LRRC56: variants seen among roughly 807,000 people sequenced by gnomAD.
LRRC56 encodes leucine-rich repeat-containing protein 56.
In LRRC56, 41 loss-of-function variants were observed where a neutral mutation model predicts 47.8. The ratio of observed to expected loss-of-function variants is 0.86; its 90% CI spans 0.67 to 1.11. The LOEUF (loss-of-function observed/expected upper bound fraction) is 1.11. Ranked by LOEUF, LRRC56 falls within the 50% of genes most tolerant of loss-of-function variation. The probability of loss-of-function intolerance (pLI) is 0.00; values close to 1 mark genes in which losing one functional copy is unlikely to be tolerated. For missense variants in LRRC56, 759 were observed against 704.2 expected (o/e 1.08, Z -0.88); for synonymous variants, 387 against 311.2 (o/e 1.24, Z -2.56).
rs549408811 is a variant in LRRC56 at position 551,854 on chromosome 11, C to G, written c.973+27C>G. 3.7e-6 allele frequency: 6 copies of G among 1,609,480 alleles called. No individual in the cohort carries two copies. The Admixed American group carries it at 1.0e-4, about 27-fold the overall frequency. ...TAACTGACTTGCCTCAAAGCTGACC[C>G]TGCAGCCCCTCGGCCCCGAACCAGG... On this transcript the variant is annotated intron_variant, in intron 10 of 13. Transcript: ENST00000270115.
intron 5 of LRRC56, among the ~76,000 whole-genome samples, chr11:543,220 G>C (rs1250543311): frequency 6.9e-6 from 1 of 144,996 alleles, no homozygotes; most frequent in African/African-American, 2.6e-5. Context: ...TTTTTTCATT[G>C]TTGTTTTTTT....
intron 5 of LRRC56, among the ~76,000 whole-genome samples, chr11:542,779 C>T (rs987152527): frequency 5.9e-5 from 9 of 151,986 alleles, no homozygotes; most frequent in African/African-American, 2.2e-4. Context: ...GTGTGTATTT[C>T]CTGAGAGGGA....
At position 554,005 on chromosome 11, in the gene LRRC56, C is replaced by T; in HGVS notation, c.1358C>T (p.Pro453Leu). The change falls in exon 14 of 14, where the codon CCC becomes CTC. Residue 453 changes from proline to leucine, a missense_variant. Physicochemically the swap from Pro to Leu is moderately conservative, Grantham distance 98. Coordinates refer to ENST00000270115, the MANE Select transcript of LRRC56 (RefSeq NM_198075.4). ...AGCCAGCACCTGGTCCCTTCACCTC[C>T]CAAGCACCCAAGGCCACGAGATTCT... The part of the protein sequence containing the change: ...TSSQHLVPSP[P>L]KHPRPRDSGS... 1.9e-6 allele frequency: 3 copies of T among 1,612,308 alleles called. No individual in the cohort carries two copies. Among genetic ancestry groups the T allele is most frequent in the Non-Finnish European group, 1.7e-6 (2 of 1,179,780 alleles).
the LRRC56 span, among the ~76,000 whole-genome samples, chr11:522,454 G>C: frequency 7.2e-5 from 11 of 152,102 alleles, no homozygotes; most frequent in South Asian, 6.2e-4. Context: ...TTTTAGTTGA[G>C]ACGGGGTTTC....
chr11:539,996 G>A (rs1433103709), intron 3 of LRRC56, among the ~76,000 whole-genome samples: 2 of 152,318 alleles, frequency 1.3e-5, no homozygotes, highest in East Asian at 3.9e-4. Flanking sequence ...CAGGTCCTGG[G>A]CTGATCTGCT....
At chr11:551,062 G>A in intron 8 of LRRC56, 69 bp from the exon 9 acceptor site, 6 of 950,558 alleles carry the variant, frequency 6.3e-6, no homozygotes, top group Non-Finnish European at 9.0e-6. Context: ...GGGAGCCAGG[G>A]AAAGAGCTGG....
Position 550,053 on chromosome 11 carries a change from A to G in LRRC56, c.424-19A>G. ...CCTGGGCTGGGCCGGGCCCTGGCTC[A>G]GAGCCCCGCGCTGCCCAGGAACTCT... On this transcript the variant is annotated intron_variant, in intron 7 of 13. Coordinates refer to ENST00000270115, the MANE Select transcript of LRRC56 (RefSeq NM_198075.4). 6.2e-7 allele frequency: 1 copy of G among 1,611,318 alleles called. No individual in the cohort carries two copies. The highest frequency in any genetic ancestry group is 1.1e-5 in the South Asian group (1 of 90,984).
At position 551,887 on chromosome 11, in the gene LRRC56, A is replaced by T. The variant is rs1852413970; in HGVS notation, c.974-16A>T. 3.1e-6 allele frequency: 5 copies of T among 1,612,338 alleles called. No homozygotes were observed. Among genetic ancestry groups the T allele is most frequent in the Admixed American group, 3.3e-5 (2 of 59,970 alleles). Reference sequence around the variant, plus strand: ...CCTCGGCCCCGAACCAGGCCCAGCCATGCTGTCTCTTGCAGGTGCTGGCCA... The same window carrying T: ...CCTCGGCCCCGAACCAGGCCCAGCCTTGCTGTCTCTTGCAGGTGCTGGCCA... On this transcript the variant is annotated splice_polypyrimidine_tract_variant and intron_variant, in intron 10 of 13. Coordinates refer to ENST00000270115, the MANE Select transcript of LRRC56 (RefSeq NM_198075.4).
chr11:552,790 GTC>G, intron 13 of LRRC56, 88 bp downstream of exon 13: 12 of 1,109,088 alleles, frequency 1.1e-5, no homozygotes, highest in Admixed American at 2.6e-5. Flanking sequence ...GATCAGATGT[GTC>G]AACCTGGCCC....
chr11:549,797 C>A, intron 6 of LRRC56, 105 bp from the exon 7 acceptor site: 1 of 923,252 alleles, frequency 1.1e-6, no homozygotes, highest in African/African-American at 1.6e-5. Context: ...CTAGAGGCCA[C>A]CATAGGTGGT....
Position 554,339 on chromosome 11 carries a change from A to T in LRRC56, c.*63A>T. ...ACGACTTGCCCACATATGTGGTCACAGAGCACAGAATACCTGGGCGGGTGT... is the reference window on the plus strand; with the variant it reads ...ACGACTTGCCCACATATGTGGTCACTGAGCACAGAATACCTGGGCGGGTGT... On this transcript the variant is annotated 3_prime_UTR_variant, in exon 14 of 14. Transcript: ENST00000270115. 7.3e-7 allele frequency: 1 copy of T among 1,369,486 alleles called. No individual in the cohort carries two copies. Among genetic ancestry groups the T allele is most frequent in the Non-Finnish European group, 9.6e-7 (1 of 1,039,720 alleles). The allele number at this position is 1,369,486 out of a possible 1,614,324, so 84.8% of individuals were successfully genotyped here.
upstream of LRRC56, chr11:534,198 G>A (rs372917082): frequency 2.7e-5 from 43 of 1,594,134 alleles, no homozygotes; most frequent in Non-Finnish European, 3.4e-5. Context: ...CCTGGACGGC[G>A]GCGCCAGGCT....
chr11:515,789 G>A, the LRRC56 span, among the ~76,000 whole-genome samples: 13 of 152,164 alleles, frequency 8.5e-5, no homozygotes, highest in African/African-American at 3.1e-4. Flanking sequence ...AGTGAGTCAA[G>A]ATTGTGCCAC....
At chr11:532,764 G>C (rs763872424), upstream of LRRC56, 4 of 1,612,070 alleles carry the variant, frequency 2.5e-6, no homozygotes, top group South Asian at 3.3e-5. Context: ...CCCTGGGAAA[G>C]GAGGGATGGG....
At chr11:509,064 T>C in the LRRC56 span, among the ~76,000 whole-genome samples, 1 of 151,234 alleles carries the variant, frequency 6.6e-6, no homozygotes, top group Non-Finnish European at 1.5e-5. Context: ...AAAAAGAAAC[T>C]CCGTCTCAAA....
At chr11:515,185 A>G in the LRRC56 span, among the ~76,000 whole-genome samples, 1 of 152,066 alleles carries the variant, frequency 6.6e-6, no homozygotes, top group Non-Finnish European at 1.5e-5. Flanking sequence ...TGAGGAGGGC[A>G]TTGGTAGGGG....
At chr11:553,146 G>A (rs747568411) in intron 13 of LRRC56, among the ~76,000 whole-genome samples, 8 of 152,302 alleles carry the variant, frequency 5.3e-5, no homozygotes, top group Non-Finnish European at 8.8e-5. Context: ...GGGTGCTGCC[G>A]CTTCACCCTG....
chr11:551,596 T>TG (rs1852394163), intron 9 of LRRC56, 55 bp from the exon 10 acceptor site: 9 of 1,511,662 alleles, frequency 6.0e-6, no homozygotes, highest in South Asian at 1.3e-5. Flanking sequence ...GGACAGAGTC[T>TG]GGGGGGCGCT....
At chr11:508,093 T>C in the LRRC56 span, among the ~76,000 whole-genome samples, 1 of 152,246 alleles carries the variant, frequency 6.6e-6, no homozygotes, top group Admixed American at 6.5e-5. Context: ...AGATGAAGAT[T>C]GCAAGTAAGG....
Sources: allele counts gnomAD v4.1 joint callset (sites outside exome capture counted in the v4.1 genomes callset), GRCh38; gene constraint gnomAD v4.1.1; transcripts MANE v1.5; gene names NCBI Gene and HGNC (gene_info 2026-07-23, HGNC 2026-07-21).